Variants in PCGF3 observed in about 807,000 individuals in gnomAD.
PCGF3 encodes polycomb group RING finger protein 3.
In PCGF3, 7 loss-of-function variants were observed where a neutral mutation model predicts 33.1. The ratio of observed to expected loss-of-function variants is 0.21; its 90% CI spans 0.12 to 0.40. The LOEUF (loss-of-function observed/expected upper bound fraction) is 0.40. Ranked by LOEUF, PCGF3 falls within the 10% of genes least tolerant of loss-of-function variation. The pLI is 1.00. For missense variants in PCGF3, 211 were observed against 313.3 expected (o/e 0.67, Z 2.46); for synonymous variants, 153 against 121.3 (o/e 1.26, Z -1.72).
intron 1 of PCGF3, among the ~76,000 whole-genome samples, chr4:708,705 C>T (rs1338467563): frequency 1.3e-5 from 2 of 152,300 alleles, no homozygotes; most frequent in Non-Finnish European, 1.5e-5. Flanking sequence ...CCTCCTGCCC[C>T]TCTCCCCATC....
intron 9 of PCGF3, chr4:761,672 T>C (rs1745067177): frequency 8.1e-6 from 8 of 985,174 alleles, no homozygotes; most frequent in African/African-American, 1.7e-5. Flanking sequence ...TGAGACTGTT[T>C]TAAAATAGGA....
intron 1 of PCGF3, among the ~76,000 whole-genome samples, chr4:706,911 A>C (rs1004397801): frequency 7.3e-6 from 1 of 136,124 alleles, no homozygotes; most frequent in Non-Finnish European, 1.6e-5. Context: ...ACCCCAGACC[A>C]GGCAGGACCC....
intron 8 of PCGF3, among the ~76,000 whole-genome samples, chr4:755,166 G>A (rs781269979): frequency 8.5e-5 from 13 of 152,272 alleles, no homozygotes; most frequent in South Asian, 6.2e-4. Context: ...TGCGTGGCAC[G>A]TGTTGTTACG....
At chr4:724,624 G>A (rs1015536236) in intron 1 of PCGF3, among the ~76,000 whole-genome samples, 2 of 152,200 alleles carry the variant, frequency 1.3e-5, no homozygotes, top group African/African-American at 4.8e-5. Flanking sequence ...CAGGAGTCGA[G>A]ACCAGCCTGG....
At chr4:765,618 G>A (rs12642051) in intron 10 of PCGF3, among the ~76,000 whole-genome samples, 8,814 of 152,268 alleles carry the variant, frequency 0.058, 428 homozygotes, top group South Asian at 0.16. Context: ...GGGGCCTTTG[G>A]GCCCCTCTGA....
intron 1 of PCGF3, among the ~76,000 whole-genome samples, chr4:723,328 G>T (rs1317213618): frequency 2.6e-5 from 4 of 152,228 alleles, no homozygotes; most frequent in African/African-American, 4.8e-5. Context: ...TCGGAGGCTA[G>T]AAGTGGCACC....
chr4:762,097 C>G (rs1054576313), intron 9 of PCGF3: 7 of 985,142 alleles, frequency 7.1e-6, no homozygotes, highest in African/African-American at 1.7e-5. Context: ...CTGTCTGTAG[C>G]AGCAGTGGAC....
At chr4:742,837 G>C (rs796722974) in intron 6 of PCGF3, among the ~76,000 whole-genome samples, 32 of 152,318 alleles carry the variant, frequency 2.1e-4, no homozygotes, top group African/African-American at 7.7e-4. Flanking sequence ...CCAGGCAACG[G>C]GGTGCCAGAG....
intron 8 of PCGF3, among the ~76,000 whole-genome samples, chr4:756,016 G>A (rs910958809): frequency 1.4e-5 from 2 of 143,900 alleles, no homozygotes; most frequent in African/African-American, 5.3e-5. Context: ...GGGTTCAAGC[G>A]ATTCTTCTGT....
At chr4:761,163 T>C (rs1400298840) in intron 8 of PCGF3, 116 bp from the exon 9 acceptor site, 51 of 708,128 alleles carry the variant, frequency 7.2e-5, no homozygotes, top group Non-Finnish European at 2.2e-6. Context: ...AGATGTCTGA[T>C]CTCAAAAAGG....
intron 1 of PCGF3, 41 bp downstream of exon 1, chr4:706,011 C>G (rs1053651253): frequency 2.6e-5 from 4 of 152,270 alleles, no homozygotes; most frequent in Admixed American, 2.0e-4. Flanking sequence ...CCTCGGCGCC[C>G]GCTCCTCAGG....
At chr4:719,307 T>C (rs950812792) in intron 1 of PCGF3, among the ~76,000 whole-genome samples, 8 of 152,186 alleles carry the variant, frequency 5.3e-5, no homozygotes, top group Non-Finnish European at 1.0e-4. Flanking sequence ...CAGAGAACCA[T>C]GTAAAGTTCC....
At chr4:714,059 A>G (rs1224152692) in intron 1 of PCGF3, among the ~76,000 whole-genome samples, 2 of 152,116 alleles carry the variant, frequency 1.3e-5, no homozygotes, top group Admixed American at 6.5e-5. Flanking sequence ...TGTCAGTGTC[A>G]GGCGTGGGGC....
At chr4:747,714 G>T (rs1244367099) in intron 8 of PCGF3, among the ~76,000 whole-genome samples, 8 of 151,750 alleles carry the variant, frequency 5.3e-5, no homozygotes, top group Non-Finnish European at 1.0e-4. Flanking sequence ...CAGGTGGGCG[G>T]GGCCCCGGGC....
chr4:755,932 T>TG (rs1744750390), intron 8 of PCGF3, among the ~76,000 whole-genome samples: 2 of 112,614 alleles, frequency 1.8e-5, no homozygotes, highest in Admixed American at 8.7e-5. Context: ...TTTTTTTTTT[T>TG]GGAGATGGAG....
At chr4:742,070 C>CCGAG (rs903573144) in intron 6 of PCGF3, among the ~76,000 whole-genome samples, 13 of 152,076 alleles carry the variant, frequency 8.5e-5, no homozygotes, top group Non-Finnish European at 1.6e-4. Flanking sequence ...CTCCAGCACT[C>CCGAG]CATCCACCTG....
At chr4:707,798 CCCCTGGGGGCCGGG>C (rs1365478572) in intron 1 of PCGF3, among the ~76,000 whole-genome samples, 7 of 134,920 alleles carry the variant, frequency 5.2e-5, no homozygotes, top group South Asian at 2.8e-4. Flanking sequence ...GCTCTGTTTT[CCCCTGGGGGCCGGG>C]ACCCTGGGAC....
intron 8 of PCGF3, among the ~76,000 whole-genome samples, chr4:754,087 T>A (rs963788260): frequency 4.6e-5 from 7 of 152,262 alleles, no homozygotes; most frequent in African/African-American, 1.7e-4. Context: ...TCTCTGCTCA[T>A]CTTCGCTCGT....
At chr4:735,315 C>T (rs13142139) in intron 5 of PCGF3, among the ~76,000 whole-genome samples, 34,282 of 152,180 alleles carry the variant, frequency 0.23, 4,514 homozygotes, top group Admixed American at 0.34. Context: ...GGGAGGCCGA[C>T]ACAGGCAGAT....
Sources: gnomAD v4.1 joint callset for allele counts (sites outside exome capture counted in the v4.1 genomes callset) on GRCh38, gnomAD v4.1.1 for gene constraint, MANE v1.5 for transcripts, NCBI Gene and HGNC (gene_info 2026-07-23, HGNC 2026-07-21) for gene names.